IER5: variants seen among roughly 807,000 people sequenced by gnomAD.
IER5 encodes the protein immediate early response gene 5 protein.
IER5 carries 3 observed loss-of-function variants against 8.2 expected under a neutral mutation model. The ratio of observed to expected loss-of-function variants is 0.36; its 90% CI spans 0.17 to 0.94. IER5 has a LOEUF of 0.94. Ranked by LOEUF, IER5 falls within the 40% of genes least tolerant of loss-of-function variation. The pLI is 0.43. For synonymous variants in IER5, 286 were observed against 230.1 expected, an observed-to-expected ratio of 1.24 and a Z score of -2.20; for missense variants, 531 against 494.3, an observed-to-expected ratio of 1.07 and a Z score of -0.70.
rs1398297684 is a variant in IER5, at chr1:181,091,570, G to A, written c.*1684G>A. ...CATGGTAGACACTTAGGTGATGATA[G>A]CCAAAACATCCATCGATTTTACTAA... On this transcript the variant is annotated 3_prime_UTR_variant, in exon 1 of 1. Transcript: ENST00000367577. 2.0e-5 allele frequency: 3 copies of A among 152,228 alleles called. No homozygotes were observed. Among genetic ancestry groups the A allele is most frequent in the Admixed American group, 6.5e-5 (1 of 15,278 alleles). 9.4% of individuals were successfully genotyped at this position (152,228 alleles called of 1,614,324 possible). A position where few individuals can be genotyped will look rare whatever the true frequency, so the allele number is the denominator to read the frequency against.
At position 181,089,589 on chromosome 1, in the gene IER5, G is replaced by C. The variant is rs770114022; in HGVS notation, c.687G>C (p.Ala229=). 5 of 1,581,898 alleles carry C rather than the reference G, an allele frequency of 3.2e-6. No homozygotes were observed. Among genetic ancestry groups the C allele is most frequent in the Admixed American group, 1.8e-5 (1 of 55,538 alleles). The change falls in exon 1 of 1, where the codon GCG becomes GCC. Residue 229 remains alanine, a synonymous_variant. Coordinates refer to ENST00000367577, the MANE Select transcript of IER5 (RefSeq NM_016545.5). ...CGGCGGGGGTGGGCGGCGGCCCAGC[G>C]GGCTGCCCGGCGCCCGGCTCGACCC... ...RCAAGVGGGP[A]GCPAPGSTPL...
In IER5 at chr1:181,090,677, AAGACCTTATGGTTTTGT is replaced by A. The variant is rs1477196702; in HGVS notation, c.*795_*811del. On this transcript the variant is annotated 3_prime_UTR_variant, in exon 1 of 1. Transcript: ENST00000367577. Reference sequence around the variant, plus strand: ...TTTACAGACAGAAGCCCGAAGTGGAAAGACCTTATGGTTTTGTAGATATGGTGACTCCAGTCTTTGTT... The same window carrying A: ...TTTACAGACAGAAGCCCGAAGTGGAAAGATATGGTGACTCCAGTCTTTGTT... The A allele has an allele frequency of 6.0e-6, 1 of 167,132 alleles. No homozygotes were observed. The highest frequency in any genetic ancestry group is 1.5e-5 in the Non-Finnish European group (1 of 68,116). 10.4% of individuals were successfully genotyped at this position (167,132 alleles called of 1,614,324 possible).
chr1:181,092,531 C>T lies in IER5; in HGVS notation c.*2645C>T, dbSNP rs1659498724. On this transcript the variant is annotated 3_prime_UTR_variant, in exon 1 of 1. Coordinates refer to ENST00000367577, the MANE Select transcript of IER5 (RefSeq NM_016545.5). The stretch of plus-strand genomic sequence containing the variant: ...ACCAGGTTCGTCTTGAACTCCTGGC[C>T]TCAAGCAATCCTCCTGCCTCAGCCT... The T allele has an allele frequency of 6.6e-6, 1 of 152,032 alleles. No homozygotes were observed. The highest frequency in any genetic ancestry group is 6.6e-5 in the Admixed American group (1 of 15,246). 9.4% of individuals were successfully genotyped at this position (152,032 alleles called of 1,614,324 possible).
rs559272901 is a variant in IER5, at chr1:181,091,338, A to G, written c.*1452A>G. ...GAAGATGAAAGAGACTGACTTGTCC[A>G]AATTGTCAGGTCCACCTCTGCATCA... On this transcript the variant is annotated 3_prime_UTR_variant, in exon 1 of 1. Transcript: ENST00000367577. The G allele has an allele frequency of 1.1e-4, 16 of 152,348 alleles. No homozygotes were observed. The highest frequency in any genetic ancestry group is 3.3e-4 in the Admixed American group (5 of 15,308). 9.4% of individuals were successfully genotyped at this position (152,348 alleles called of 1,614,324 possible). A position where few individuals can be genotyped will look rare whatever the true frequency, so the allele number is the denominator to read the frequency against.
Position 181,089,663 on chromosome 1 carries a change from A to G in IER5, c.761A>G (p.Glu254Gly), listed in dbSNP as rs750190904. ...RNLEQPPSGG[E>G]DDDAEEMETG... is the part of the protein sequence containing the mutation. ...TTAGAGCAGCCGCCGAGTGGAGGAG[A>G]GGACGACGACGCGGAGGAGATGGAG... Residue 254 changes from glutamate to glycine, a missense_variant, in exon 1 of 1, where the codon GAG becomes GGG. Coordinates refer to ENST00000367577, the MANE Select transcript of IER5 (RefSeq NM_016545.5). 15 of 1,612,958 alleles carry G rather than the reference A, an allele frequency of 9.3e-6. No homozygotes were observed. In the East Asian group the frequency reaches 3.1e-4, roughly 34 times the overall value.
At position 181,092,431 on chromosome 1, in the gene IER5, C is replaced by T. The variant is rs997918305; in HGVS notation, c.*2545C>T. 3 of 151,668 alleles carry T rather than the reference C, an allele frequency of 2.0e-5. No individual in the cohort carries two copies. The highest frequency in any genetic ancestry group is 1.3e-4 in the Admixed American group (2 of 15,150). The allele number at this position is 151,668 out of a possible 1,614,324, so 9.4% of individuals were successfully genotyped here. A position where few individuals can be genotyped will look rare whatever the true frequency, so the allele number is the denominator to read the frequency against. On this transcript the variant is annotated 3_prime_UTR_variant, in exon 1 of 1. Transcript: ENST00000367577. ...AGTAGTTAGAGCATGGGCCCTGGAG[C>T]CAGGCTGCTTGGTGTCTTCCTTTAT...
In IER5 at chr1:181,089,604, C is replaced by T; in HGVS notation, c.702C>T (p.Pro234=). The change falls in exon 1 of 1, where the codon CCC becomes CCT. Residue 234 remains proline, a synonymous_variant. Coordinates refer to ENST00000367577, the MANE Select transcript of IER5 (RefSeq NM_016545.5). ...VGGGPAGCPA[P]GSTPLKKPRR... is the part of the protein sequence containing the mutation. ...GCGGCCCAGCGGGCTGCCCGGCGCC[C>T]GGCTCGACCCCGCTCAAGAAGCCCC... 1.2e-6 allele frequency: 2 copies of T among 1,604,478 alleles called. No homozygotes were observed. Among genetic ancestry groups the T allele is most frequent in the South Asian group, 1.1e-5 (1 of 90,064 alleles).
In IER5 at chr1:181,089,540, C is replaced by A; in HGVS notation, c.638C>A (p.Ala213Glu). ...GAGGACGAGCCCCCCGCGCCGCCCG[C>A]GGTGTGCCCCAGGAAGCGCTGCGCG... ...PAEDEPPAPP[A>E]VCPRKRCAAG... Residue 213 changes from alanine to glutamate, a missense_variant, in exon 1 of 1, where the codon GCG (alanine) becomes GAG (glutamate). Transcript: ENST00000367577. The A allele has an allele frequency of 7.7e-7, 1 of 1,298,880 alleles. No homozygotes were observed. Among genetic ancestry groups the A allele is most frequent in the South Asian group, 2.6e-5 (1 of 38,448 alleles). 80.5% of individuals were successfully genotyped at this position (1,298,880 alleles called of 1,614,324 possible). A position where few individuals can be genotyped will look rare whatever the true frequency, so the allele number is the denominator to read the frequency against.
In IER5 at chr1:181,091,852, T is replaced by C. The variant is rs1659487811; in HGVS notation, c.*1966T>C. 1 of 152,234 alleles carries C rather than the reference T, an allele frequency of 6.6e-6. No individual in the cohort carries two copies. The highest frequency in any genetic ancestry group is 1.5e-5 in the Non-Finnish European group (1 of 68,038). 9.4% of individuals were successfully genotyped at this position (152,234 alleles called of 1,614,324 possible). Reference sequence around the variant, plus strand: ...CATAAGAGGCATATGAATGGTGTCTTGGCCTTAACTCCCAATTATACGAAC... The same window carrying C: ...CATAAGAGGCATATGAATGGTGTCTCGGCCTTAACTCCCAATTATACGAAC... On this transcript the variant is annotated 3_prime_UTR_variant, in exon 1 of 1. Coordinates refer to ENST00000367577, the MANE Select transcript of IER5 (RefSeq NM_016545.5).
rs1324321615 is a variant in IER5 at position 181,089,231 on chromosome 1, C to T, written c.329C>T (p.Ala110Val). 8 of 1,547,366 alleles carry T rather than the reference C, an allele frequency of 5.2e-6. No homozygotes were observed. The highest frequency in any genetic ancestry group is 2.1e-4 in the Middle Eastern group (1 of 4,818). ...CCGGAGCGCTCCTCCGTCTCAGACG[C>T]GCCGCGGGTAGGGGACGAGGTGCCG... Reference protein sequence around the residue: ...PQPERSSVSDAPRVGDEVPVA... With the variant: ...PQPERSSVSDVPRVGDEVPVA... The change falls in exon 1 of 1, where the codon GCG (alanine) becomes GTG (valine). Residue 110 changes from alanine to valine, a missense_variant. Transcript: ENST00000367577.
In IER5 at chr1:181,090,594, T is replaced by G. The variant is rs1288369458; in HGVS notation, c.*708T>G. On this transcript the variant is annotated 3_prime_UTR_variant, in exon 1 of 1. Transcript: ENST00000367577. ...GGAGTTTATAGAGAAAAGATATATT[T>G]TTAAAAGCTCTAGGTCAGAAGTACT... 6.0e-6 allele frequency: 1 copy of G among 167,190 alleles called. No individual in the cohort carries two copies. Among genetic ancestry groups the G allele is most frequent in the Non-Finnish European group, 1.5e-5 (1 of 68,142 alleles). 10.4% of individuals were successfully genotyped at this position (167,190 alleles called of 1,614,324 possible). A position where few individuals can be genotyped will look rare whatever the true frequency, so the allele number is the denominator to read the frequency against.
At position 181,088,815 on chromosome 1, in the gene IER5, CA is replaced by C. The variant is rs1659389722; in HGVS notation, c.-87del. On this transcript the variant is annotated 5_prime_UTR_variant, in exon 1 of 1. Transcript: ENST00000367577. ...AGTCTTAGGTGATCGAGGGTGTGCC[CA>C]GGGGGCGGACTTGTTTGCGCCTCCC... The C allele has an allele frequency of 2.1e-6, 3 of 1,427,016 alleles. No homozygotes were observed. The highest frequency in any genetic ancestry group is 1.4e-5 in the African/African-American group (1 of 70,286). The allele number at this position is 1,427,016 out of a possible 1,614,324, so 88.4% of individuals were successfully genotyped here. A position where few individuals can be genotyped will look rare whatever the true frequency, so the allele number is the denominator to read the frequency against.
chr1:181,089,996 T>A lies in IER5; in HGVS notation c.*110T>A. 1.4e-6 allele frequency: 2 copies of A among 1,404,576 alleles called. No homozygotes were observed. The highest frequency in any genetic ancestry group is 1.9e-6 in the Non-Finnish European group (2 of 1,036,816). 87.0% of individuals were successfully genotyped at this position (1,404,576 alleles called of 1,614,324 possible). A position where few individuals can be genotyped will look rare whatever the true frequency, so the allele number is the denominator to read the frequency against. ...CAGAGACCGCGGGCGCTGAGCGCGT[T>A]GGGCAGACTGGTTGCCTCTGGGCAT... is the stretch of plus-strand genomic sequence containing the variant. On this transcript the variant is annotated 3_prime_UTR_variant, in exon 1 of 1. Transcript: ENST00000367577.
chr1:181,091,774 A>C lies in IER5; in HGVS notation c.*1888A>C, dbSNP rs969305378. The C allele has an allele frequency of 1.3e-5, 2 of 152,256 alleles. No homozygotes were observed. Among genetic ancestry groups the C allele is most frequent in the African/African-American group, 4.8e-5 (2 of 41,472 alleles). 9.4% of individuals were successfully genotyped at this position (152,256 alleles called of 1,614,324 possible). ...AACTTACGAGTATATAGGGTATTTA[A>C]AAGATGGGAGAGATTGAAGAAAGAC... On this transcript the variant is annotated 3_prime_UTR_variant, in exon 1 of 1. Coordinates refer to ENST00000367577, the MANE Select transcript of IER5 (RefSeq NM_016545.5).
At position 181,089,036 on chromosome 1, in the gene IER5, A is replaced by G. The variant is rs760200718; in HGVS notation, c.134A>G (p.Gln45Arg). Reference sequence around the variant, plus strand: ...TCGCTGGTGCTGCGCAGCGCCCGCCAAGTCTACCTGAGCGACCCGTGCCCC... The same window carrying G: ...TCGCTGGTGCTGCGCAGCGCCCGCCGAGTCTACCTGAGCGACCCGTGCCCC... ...LVSLVLRSAR[Q>R]VYLSDPCPGL... The change falls in exon 1 of 1, where the codon CAA becomes CGA. Residue 45 changes from glutamine to arginine, a missense_variant. Physicochemically the swap from Gln to Arg is conservative, Grantham distance 43. Transcript: ENST00000367577. The G allele has an allele frequency of 6.2e-7, 1 of 1,610,598 alleles. No individual in the cohort carries two copies. The highest frequency in any genetic ancestry group is 2.2e-5 in the East Asian group (1 of 44,586).
chr1:181,090,767 C>T lies in IER5; in HGVS notation c.*881C>T. On this transcript the variant is annotated 3_prime_UTR_variant, in exon 1 of 1. Coordinates refer to ENST00000367577, the MANE Select transcript of IER5 (RefSeq NM_016545.5). ...TAAGGTTTTTGTACAGTATTTTCTC[C>T]TTCGTTGTATTGATTTTTGTATAAA... 1 of 166,356 alleles carries T rather than the reference C, an allele frequency of 6.0e-6. No individual in the cohort carries two copies. The allele number at this position is 166,356 out of a possible 1,614,324, so 10.3% of individuals were successfully genotyped here.
At position 181,089,414 on chromosome 1, in the gene IER5, C is replaced by T. The variant is rs771281021; in HGVS notation, c.512C>T (p.Ala171Val). The T allele has an allele frequency of 2.1e-6, 3 of 1,414,870 alleles. No individual in the cohort carries two copies. The highest frequency in any genetic ancestry group is 6.0e-5 in the Admixed American group (2 of 33,114). The allele number at this position is 1,414,870 out of a possible 1,614,324, so 87.6% of individuals were successfully genotyped here. A position where few individuals can be genotyped will look rare whatever the true frequency, so the allele number is the denominator to read the frequency against. The change falls in exon 1 of 1, where the codon GCC becomes GTC. Residue 171 changes from alanine to valine, a missense_variant. Coordinates refer to ENST00000367577, the MANE Select transcript of IER5 (RefSeq NM_016545.5). ...GGCGTCTTCCCCGAGGTATCTCGTG[C>T]CGCGCGCCGCCCCTGCGGCTGCCCC... ...GWGVFPEVSRAARRPCGCPLG... is the reference protein window; with the variant it reads ...GWGVFPEVSRVARRPCGCPLG...
In IER5 at chr1:181,089,297, G is replaced by A. The variant is rs1438941899; in HGVS notation, c.395G>A (p.Gly132Glu). Residue 132 changes from glycine to glutamate, a missense_variant, in exon 1 of 1, where the codon GGA (glycine) becomes GAA (glutamate). Gly to Glu is a moderately conservative substitution (Grantham distance 98). Transcript: ENST00000367577. ...VTGVGDVFQGGEADATEAAWS... is the reference protein window; with the variant it reads ...VTGVGDVFQGEEADATEAAWS... ...GGAGTCGGGGACGTTTTTCAGGGCG[G>A]AGAGGCGGACGCGACGGAAGCTGCC... 4 of 1,556,750 alleles carry A rather than the reference G, an allele frequency of 2.6e-6. No individual in the cohort carries two copies. The highest frequency in any genetic ancestry group is 2.8e-5 in the African/African-American group (2 of 70,552).
At position 181,088,796 on chromosome 1, in the gene IER5, A is replaced by T; in HGVS notation, c.-107A>T. The T allele has an allele frequency of 1.6e-5, 11 of 670,350 alleles. No homozygotes were observed. Among genetic ancestry groups the T allele is most frequent in the Non-Finnish European group, 2.5e-5 (10 of 406,366 alleles). The allele number at this position is 670,350 out of a possible 1,614,324, so 41.5% of individuals were successfully genotyped here. On this transcript the variant is annotated 5_prime_UTR_variant, in exon 1 of 1. Transcript: ENST00000367577. ...CAGAGTCGTTTCTCTTCGGAGTCTTAGGTGATCGAGGGTGTGCCCAGGGGG... is the reference window on the plus strand; with the variant it reads ...CAGAGTCGTTTCTCTTCGGAGTCTTTGGTGATCGAGGGTGTGCCCAGGGGG...
Sources: allele counts gnomAD v4.1 joint callset, GRCh38; gene constraint gnomAD v4.1.1; transcripts MANE v1.5; gene names NCBI Gene and HGNC (gene_info 2026-07-23, HGNC 2026-07-21).